LRP1B: variants seen among roughly 807,000 people sequenced by gnomAD.
LRP1B encodes low-density lipoprotein receptor-related protein 1B.
LRP1B carries 217 observed loss-of-function variants against 556.6 expected under a neutral mutation model. The ratio of observed to expected loss-of-function variants is 0.39; its 90% CI spans 0.35 to 0.44. The LOEUF (loss-of-function observed/expected upper bound fraction) is 0.44. Ranked by LOEUF, LRP1B falls within the 20% of genes least tolerant of loss-of-function variation. The pLI is 1.00. For synonymous variants in LRP1B, 2,047 were observed against 1,865.8 expected, an observed-to-expected ratio of 1.10 and a Z score of -2.50; for missense variants, 5,053 against 5,620.8, an observed-to-expected ratio of 0.90 and a Z score of 3.23.
chr2:140,310,293 T>C (rs1333997740), intron 83 of LRP1B, among the ~76,000 whole-genome samples: 1 of 151,626 alleles, frequency 6.6e-6, no homozygotes, highest in Non-Finnish European at 1.5e-5. Flanking sequence ...CATCATTAAT[T>C]ATTTACCTGA....
intron 23 of LRP1B, among the ~76,000 whole-genome samples, chr2:140,901,678 A>C (rs576473673): frequency 6.6e-6 from 1 of 152,332 alleles, no homozygotes; most frequent in East Asian, 1.9e-4. Context: ...AAAAACAATA[A>C]GAATAAAGTG....
At chr2:141,074,358 T>G (rs578171948) in intron 7 of LRP1B, among the ~76,000 whole-genome samples, 1 of 152,224 alleles carries the variant, frequency 6.6e-6, no homozygotes. Flanking sequence ...CAATTAGATC[T>G]ACCTGACATA....
At chr2:141,874,870 G>A (rs929611975) in intron 1 of LRP1B, among the ~76,000 whole-genome samples, 7 of 151,874 alleles carry the variant, frequency 4.6e-5, no homozygotes, top group Admixed American at 3.3e-4. Flanking sequence ...TTAGTATGTG[G>A]ACACTAAGAA....
chr2:141,800,483 A>G (rs951151295), intron 2 of LRP1B, among the ~76,000 whole-genome samples: 1 of 152,176 alleles, frequency 6.6e-6, no homozygotes, highest in Non-Finnish European at 1.5e-5. Flanking sequence ...CTTCAAGATA[A>G]TTTATTTCCA....
At chr2:140,906,627 G>A (rs937872537) in intron 22 of LRP1B, among the ~76,000 whole-genome samples, 8 of 151,938 alleles carry the variant, frequency 5.3e-5, no homozygotes, top group Admixed American at 5.3e-4. Flanking sequence ...AGACTTAATT[G>A]AAGAAAAGAA....
chr2:141,021,870 A>C (rs776929876), intron 11 of LRP1B, among the ~76,000 whole-genome samples: 1 of 152,004 alleles, frequency 6.6e-6, no homozygotes, highest in Non-Finnish European at 1.5e-5. Context: ...ATTAATAGCT[A>C]CTGCATGTAA....
chr2:140,625,532 A>G (rs867664493), intron 41 of LRP1B, among the ~76,000 whole-genome samples: 2 of 152,332 alleles, frequency 1.3e-5, no homozygotes, highest in African/African-American at 2.4e-5. Flanking sequence ...ACAACTCAAC[A>G]AGAGAAAAAT....
At chr2:140,399,651 T>C (rs1684409714) in intron 66 of LRP1B, among the ~76,000 whole-genome samples, 2 of 152,218 alleles carry the variant, frequency 1.3e-5, no homozygotes. Context: ...AAGTATCTAT[T>C]GTCAAATCAT....
chr2:141,735,038 A>ATCC (rs1370229643), intron 2 of LRP1B, among the ~76,000 whole-genome samples: 35 of 152,242 alleles, frequency 2.3e-4, no homozygotes, highest in Admixed American at 2.1e-3. Flanking sequence ...AGTATAGCTA[A>ATCC]TCCTACTCCA....
At chr2:140,255,907 T>TTTCA (rs1319721589) in intron 86 of LRP1B, among the ~76,000 whole-genome samples, 1 of 152,198 alleles carries the variant, frequency 6.6e-6, no homozygotes, top group African/African-American at 2.4e-5. Context: ...TCCTTCTTTC[T>TTTCA]TTCATTCACT....
chr2:140,939,667 C>T (rs547252897), intron 20 of LRP1B, among the ~76,000 whole-genome samples: 296 of 151,336 alleles, frequency 2.0e-3, no homozygotes, highest in African/African-American at 6.6e-3. Flanking sequence ...AATAAATATT[C>T]CCTTTTCAGA....
chr2:140,886,458 A>G lies in LRP1B; in HGVS notation c.3767-123T>C, dbSNP rs753465897. On this transcript the variant is annotated intron_variant, in intron 23 of 90. Transcript: ENST00000389484. ...ACATAATTCTCTGTCTTAAAACAGCAATTTCTTTTAATCCAAAATTTAACA... is the reference window on the plus strand; with the variant it reads ...ACATAATTCTCTGTCTTAAAACAGCGATTTCTTTTAATCCAAAATTTAACA... 92 of 571,246 alleles carry G rather than the reference A, an allele frequency of 1.6e-4. 1 individual carries two copies. The highest frequency in any genetic ancestry group is 2.6e-4 in the Non-Finnish European group (89 of 343,020). The allele number at this position is 571,246 out of a possible 1,614,324, so 35.4% of individuals were successfully genotyped here. A position where few individuals can be genotyped will look rare whatever the true frequency, so the allele number is the denominator to read the frequency against.
chr2:141,660,803 C>T (rs918341603), intron 2 of LRP1B, among the ~76,000 whole-genome samples: 14 of 152,180 alleles, frequency 9.2e-5, no homozygotes, highest in African/African-American at 2.9e-4. Flanking sequence ...CAGCGCAGTG[C>T]ACACCTTCCA....
chr2:140,738,199 G>T (rs1235884044), intron 35 of LRP1B, among the ~76,000 whole-genome samples: 1 of 152,116 alleles, frequency 6.6e-6, no homozygotes, highest in African/African-American at 2.4e-5. Flanking sequence ...CAGGTGAAAA[G>T]AGGTGTCACC....
intron 2 of LRP1B, among the ~76,000 whole-genome samples, chr2:141,691,918 G>A (rs916503712): frequency 6.6e-6 from 1 of 151,722 alleles, no homozygotes; most frequent in Admixed American, 6.6e-5. Context: ...ATATTTTTTT[G>A]CATAAGTCTG....
At chr2:141,962,255 C>T (rs2105056816) in intron 1 of LRP1B, among the ~76,000 whole-genome samples, 1 of 37,798 alleles carries the variant, frequency 2.6e-5, no homozygotes. Context: ...ATAGTATTAT[C>T]TAATAATCAG....
rs1250524646 is a variant in LRP1B at position 140,260,545 on chromosome 2, A to T, written c.13247+9697T>A. ...TTAATATATGTATATGCGTGCATAT[A>T]TACCTTTTATAAGATTGGGTCATAT... On this transcript the variant is annotated intron_variant, in intron 86 of 90. Coordinates refer to ENST00000389484, the MANE Select transcript of LRP1B (RefSeq NM_018557.3). 6.6e-5 allele frequency among the ~76,000 whole-genome samples: 10 copies of T among 151,896 alleles called. No individual in the cohort carries two copies. In the East Asian group the frequency reaches 1.7e-3, roughly 26 times the overall value.
chr2:141,943,974 C>T (rs1035539335), intron 1 of LRP1B, among the ~76,000 whole-genome samples: 1 of 152,124 alleles, frequency 6.6e-6, no homozygotes, highest in Non-Finnish European at 1.5e-5. Context: ...CAGATTGAAT[C>T]CCAGGTTCCC....
chr2:141,593,358 A>G (rs1687406258), intron 2 of LRP1B, among the ~76,000 whole-genome samples: 1 of 152,242 alleles, frequency 6.6e-6, no homozygotes, highest in South Asian at 2.1e-4. Context: ...TGTTGTTGTT[A>G]GCAAGAAATG....
Sources: allele counts gnomAD v4.1 joint callset (sites outside exome capture counted in the v4.1 genomes callset), GRCh38; gene constraint gnomAD v4.1.1; transcripts MANE v1.5; gene names NCBI Gene and HGNC (gene_info 2026-07-23, HGNC 2026-07-21).